Variants in CPS1 observed in about 807,000 individuals in gnomAD.
CPS1 encodes the protein carbamoyl-phosphate synthase 1.
CPS1 carries 109 observed loss-of-function variants against 174.6 expected under a neutral mutation model. The ratio of observed to expected loss-of-function variants is 0.62; its 90% CI spans 0.53 to 0.73. CPS1 has a LOEUF of 0.73. Among genes scored for constraint, CPS1 ranks in the 30% least tolerant of loss-of-function variants. CPS1 has a pLI of 0.00. For synonymous variants in CPS1, 637 were observed against 632.0 expected, an observed-to-expected ratio of 1.01 and a Z score of -0.12; for missense variants, 1,689 against 1,821.9, an observed-to-expected ratio of 0.93 and a Z score of 1.33.
chr2:210,611,971 C>CT lies in CPS1; in HGVS notation c.2392-133dup, dbSNP rs3060429. The CT allele has an allele frequency of 0.12, 68,494 of 584,904 alleles. 1,754 individuals are homozygous for CT. Among genetic ancestry groups the CT allele is most frequent in the African/African-American group, 0.27 (13,708 of 50,468 alleles). The allele number at this position is 584,904 out of a possible 1,614,324, so 36.2% of individuals were successfully genotyped here. On this transcript the variant is annotated intron_variant, in intron 19 of 37. Coordinates refer to ENST00000233072, the MANE Select transcript of CPS1 (RefSeq NM_001875.5). ...GAGAGAGGAAGAAAAAAAGGAACACCTTTTTTTTTTTTTAATTTGAGAGGC... is the reference window on the plus strand; with the variant it reads ...GAGAGAGGAAGAAAAAAAGGAACACCTTTTTTTTTTTTTTAATTTGAGAGGC...
intron 33 of CPS1, among the ~76,000 whole-genome samples, chr2:210,665,977 T>A (rs1701083350): frequency 6.7e-6 from 1 of 148,186 alleles, no homozygotes; most frequent in African/African-American, 2.5e-5. Context: ...CCACATCCTC[T>A]CCAGCACCTG....
intron 21 of CPS1, among the ~76,000 whole-genome samples, chr2:210,634,914 C>T (rs1175711644): frequency 6.6e-6 from 1 of 152,156 alleles, no homozygotes; most frequent in East Asian, 1.9e-4. Flanking sequence ...GCCTATTGTA[C>T]ACCTGTCAAC....
At chr2:210,513,238 C>A (rs1695579449) in intron 1 of CPS1, among the ~76,000 whole-genome samples, 1 of 150,464 alleles carries the variant, frequency 6.6e-6, no homozygotes, top group Admixed American at 6.7e-5. Flanking sequence ...GCTTTGAGTT[C>A]TTTGAGAAAT....
At chr2:210,598,886 C>T (rs1013513605) in intron 13 of CPS1, among the ~76,000 whole-genome samples, 2 of 151,928 alleles carry the variant, frequency 1.3e-5, no homozygotes, top group African/African-American at 4.8e-5. Context: ...TGTAAGAACT[C>T]TCCACCCCAA....
At chr2:210,502,142 A>G (rs545301759) in intron 1 of CPS1, among the ~76,000 whole-genome samples, 14 of 151,996 alleles carry the variant, frequency 9.2e-5, no homozygotes, top group Admixed American at 3.9e-4. Context: ...AACTGCCCCC[A>G]TGATTCAATT....
chr2:210,574,146 C>T (rs1264437919), intron 2 of CPS1, among the ~76,000 whole-genome samples: 1 of 151,996 alleles, frequency 6.6e-6, no homozygotes, highest in Non-Finnish European at 1.5e-5. Flanking sequence ...ATATTGGGAA[C>T]ATCACTTAAG....
At chr2:210,604,420 T>C (rs1216315142) in intron 16 of CPS1, among the ~76,000 whole-genome samples, 1 of 151,908 alleles carries the variant, frequency 6.6e-6, no homozygotes, top group Admixed American at 6.6e-5. Context: ...TTTCCTATTT[T>C]GGGTTCAGTA....
chr2:210,606,468 G>A (rs1330620512), intron 17 of CPS1, among the ~76,000 whole-genome samples: 4 of 151,854 alleles, frequency 2.6e-5, no homozygotes, highest in Non-Finnish European at 4.4e-5. Context: ...GGAAGTTGAA[G>A]TCAATCTAGT....
At chr2:210,638,315 T>A (rs1700099596) in intron 22 of CPS1, among the ~76,000 whole-genome samples, 1 of 152,204 alleles carries the variant, frequency 6.6e-6, no homozygotes, top group South Asian at 2.1e-4. Flanking sequence ...GTATTCATTG[T>A]GATAGGGCTG....
chr2:210,563,258 T>C (rs1456576952), intron 1 of CPS1, among the ~76,000 whole-genome samples: 2 of 152,182 alleles, frequency 1.3e-5, no homozygotes, highest in African/African-American at 2.4e-5. Context: ...CTGAATGTTA[T>C]GGCAATACGA....
chr2:210,647,999 C>T lies in CPS1; in HGVS notation c.3278C>T (p.Ser1093Leu). 1 of 1,614,038 alleles carries T rather than the reference C, an allele frequency of 6.2e-7. No individual in the cohort carries two copies. Among genetic ancestry groups the T allele is most frequent in the Non-Finnish European group, 8.5e-7 (1 of 1,179,920 alleles). Residue 1093 changes from serine (S) to leucine (L), a missense_variant, in exon 26 of 38, where the codon TCA becomes TTA. Physicochemically the swap from Ser to Leu is moderately radical, Grantham distance 145. Transcript: ENST00000233072. ...IDRAEDRSIF[S>L]AVLDELKVAQ... The stretch of plus-strand genomic sequence containing the variant: ...AGGGCTGAGGATCGCTCCATCTTCT[C>T]AGCTGTCTTGGATGAGCTGAAGGTG...
At chr2:210,639,081 A>G (rs1407308276) in intron 22 of CPS1, 69 bp from the exon 23 acceptor site, 1 of 1,311,194 alleles carries the variant, frequency 7.6e-7, no homozygotes, top group Admixed American at 1.9e-5. Flanking sequence ...TATAAAGCAC[A>G]AAAAATTTAG....
At chr2:210,645,385 C>A (rs1352699717) in intron 25 of CPS1, among the ~76,000 whole-genome samples, 1 of 152,030 alleles carries the variant, frequency 6.6e-6, no homozygotes, top group Non-Finnish European at 1.5e-5. Flanking sequence ...TTAACATTAA[C>A]TACACCTGAA....
intron 27 of CPS1, among the ~76,000 whole-genome samples, chr2:210,649,485 GAAATTT>G (rs765083775): frequency 3.3e-5 from 5 of 152,170 alleles, no homozygotes; most frequent in Non-Finnish European, 1.5e-5. Context: ...CCTTTAGGCA[GAAATTT>G]GTAATAGGAT....
intron 1 of CPS1, among the ~76,000 whole-genome samples, chr2:210,565,068 G>A (rs1697257431): frequency 6.6e-6 from 1 of 151,652 alleles, no homozygotes. Flanking sequence ...AGATCATATA[G>A]CTATTTTTGT....
At chr2:210,508,819 G>C (rs929153527) in intron 1 of CPS1, among the ~76,000 whole-genome samples, 1 of 152,118 alleles carries the variant, frequency 6.6e-6, no homozygotes, top group African/African-American at 2.4e-5. Context: ...ACCCTCCCAA[G>C]ACTAAACCAG....
At chr2:210,670,155 C>T (rs1171993525) in intron 34 of CPS1, among the ~76,000 whole-genome samples, 1 of 152,070 alleles carries the variant, frequency 6.6e-6, no homozygotes, top group African/African-American at 2.4e-5. Context: ...CTAGCAGCTA[C>T]ATGAGTTGTT....
Position 210,556,599 on chromosome 2 carries a change from A to C in CPS1, c.-135A>C. ...TTAATGGCAGAATGAATGGAAATTC[A>C]AAGATCGCTGTGCAGTCAGCCTTAA... On this transcript the variant is annotated 5_prime_UTR_variant, in exon 1 of 38. Coordinates refer to ENST00000233072, the MANE Select transcript of CPS1 (RefSeq NM_001875.5). 1 of 1,496,162 alleles carries C rather than the reference A, an allele frequency of 6.7e-7. No homozygotes were observed. The highest frequency in any genetic ancestry group is 8.9e-7 in the Non-Finnish European group (1 of 1,123,904). 92.7% of individuals were successfully genotyped at this position (1,496,162 alleles called of 1,614,324 possible). A position where few individuals can be genotyped will look rare whatever the true frequency, so the allele number is the denominator to read the frequency against.
At chr2:210,568,547 T>C (rs377751820) in intron 1 of CPS1, among the ~76,000 whole-genome samples, 7 of 152,188 alleles carry the variant, frequency 4.6e-5, no homozygotes, top group Admixed American at 3.3e-4. Context: ...AATAGGTAAC[T>C]ATTTATTAGT....
Sources: gnomAD v4.1 joint callset for allele counts (sites outside exome capture counted in the v4.1 genomes callset) on GRCh38, gnomAD v4.1.1 for gene constraint, MANE v1.5 for transcripts, NCBI Gene and HGNC (gene_info 2026-07-23, HGNC 2026-07-21) for gene names.